Variants in POF1B observed in about 807,000 individuals in gnomAD.
POF1B encodes protein POF1B.
Under a neutral mutation model 55.3 loss-of-function variants are expected in POF1B, and 53 were observed. That is an observed-to-expected ratio of 0.96 (90% CI 0.77 to 1.20). The LOEUF (loss-of-function observed/expected upper bound fraction) is 1.20, where lower values mean the gene tolerates loss of function less well. Among genes scored for constraint, POF1B ranks in the 50% most tolerant of loss-of-function variants. POF1B has a pLI of 0.00. For missense variants in POF1B, 478 were observed against 420.5 expected (o/e 1.14, Z -1.20); for synonymous variants, 188 against 148.3 (o/e 1.27, Z -1.95).
chrX:85,295,138 A>G (rs753255928), intron 15 of POF1B, among the ~76,000 whole-genome samples: 45 of 111,632 alleles, frequency 4.0e-4, no homozygotes, highest in Non-Finnish European at 7.9e-4. Context: ...CTAGTGTTCA[A>G]TTGGTCTTTT....
intron 7 of POF1B, among the ~76,000 whole-genome samples, chrX:85,318,878 A>C (rs1353116578): frequency 8.9e-6 from 1 of 111,817 alleles, no homozygotes; most frequent in Non-Finnish European, 1.9e-5. Context: ...TATGAATTTC[A>C]AAATAGTTTT....
chrX:85,316,233 T>C (rs967313389), intron 7 of POF1B, among the ~76,000 whole-genome samples: 1 of 111,823 alleles, frequency 8.9e-6, no homozygotes, highest in African/African-American at 3.2e-5. Flanking sequence ...ATTTAATCTA[T>C]AGTAGAGTAT....
intron 6 of POF1B, among the ~76,000 whole-genome samples, chrX:85,342,402 C>A (rs914288943): frequency 9.0e-6 from 1 of 111,338 alleles, no homozygotes; most frequent in African/African-American, 3.3e-5. Flanking sequence ...GAAACATTTG[C>A]GACCCAGAGT....
chrX:85,372,562 A>T (rs1569300537), intron 2 of POF1B, among the ~76,000 whole-genome samples: 1 of 105,841 alleles, frequency 9.4e-6, no homozygotes, highest in East Asian at 3.0e-4. Flanking sequence ...CATCACACAC[A>T]GGGGCCTGTC....
intron 2 of POF1B, among the ~76,000 whole-genome samples, chrX:85,370,406 G>A (rs945576584): frequency 2.7e-5 from 3 of 111,361 alleles, no homozygotes; most frequent in Admixed American, 1.9e-4. Flanking sequence ...GCTTTCCCAC[G>A]CAACCCTCAT....
intron 6 of POF1B, among the ~76,000 whole-genome samples, chrX:85,343,310 G>A (rs1461062726): frequency 9.0e-6 from 1 of 110,969 alleles, no homozygotes; most frequent in African/African-American, 3.3e-5. Context: ...TAATAAAAAA[G>A]TGATACATTA....
intron 11 of POF1B, 138 bp downstream of exon 11, chrX:85,307,025 C>T (rs1266009408): frequency 4.4e-6 from 2 of 449,922 alleles, no homozygotes; most frequent in African/African-American, 2.5e-5. Flanking sequence ...TACCCAAAGC[C>T]ACTCAATTCT....
chrX:85,365,470 G>A (rs1933703392), intron 3 of POF1B, among the ~76,000 whole-genome samples: 1 of 111,466 alleles, frequency 9.0e-6, no homozygotes, highest in Non-Finnish European at 1.9e-5. Flanking sequence ...TTTTGTGCAG[G>A]GTCTAAATAG....
intron 4 of POF1B, among the ~76,000 whole-genome samples, chrX:85,351,867 C>G (rs1933397667): frequency 9.1e-6 from 1 of 110,131 alleles, no homozygotes; most frequent in Non-Finnish European, 1.9e-5. Context: ...AAAAATATTT[C>G]AGCACGACTA....
chrX:85,361,541 C>A (rs919827745), intron 3 of POF1B, among the ~76,000 whole-genome samples: 7 of 110,680 alleles, frequency 6.3e-5, no homozygotes, highest in Non-Finnish European at 1.1e-4. Flanking sequence ...CTTTTTTCTG[C>A]GCTCTCTATT....
At chrX:85,340,605 C>A (rs1458544822) in intron 6 of POF1B, among the ~76,000 whole-genome samples, 2 of 110,990 alleles carry the variant, frequency 1.8e-5, no homozygotes, top group Non-Finnish European at 3.8e-5. Context: ...ACCATGAAGA[C>A]AGTGTGGGAA....
At chrX:85,308,876 C>G (rs908138350) in intron 9 of POF1B, among the ~76,000 whole-genome samples, 2 of 110,422 alleles carry the variant, frequency 1.8e-5, no homozygotes, top group African/African-American at 6.6e-5. Context: ...ACGGATTTCA[C>G]TGTGTTGGCC....
At chrX:85,366,978 G>T (rs1263822052) in intron 3 of POF1B, among the ~76,000 whole-genome samples, 1 of 110,986 alleles carries the variant, frequency 9.0e-6, no homozygotes, top group East Asian at 2.8e-4. Context: ...TCTCCTCACT[G>T]TCCAAGTTCA....
At chrX:85,306,903 T>C (rs971615219) in intron 11 of POF1B, among the ~76,000 whole-genome samples, 2 of 111,916 alleles carry the variant, frequency 1.8e-5, no homozygotes, top group Admixed American at 9.5e-5. Flanking sequence ...ATTTTTAGTA[T>C]TTCTACAATT....
At chrX:85,298,894 A>C (rs1184143240) in intron 15 of POF1B, among the ~76,000 whole-genome samples, 1 of 108,091 alleles carries the variant, frequency 9.3e-6, no homozygotes, top group South Asian at 4.2e-4. Flanking sequence ...CATAGTGAGA[A>C]TACAAAGAAC....
intron 3 of POF1B, among the ~76,000 whole-genome samples, chrX:85,364,335 T>G: frequency 8.9e-6 from 1 of 111,839 alleles, no homozygotes; most frequent in Non-Finnish European, 1.9e-5. Context: ...GTGGCTGCTT[T>G]ATAATGTAAC....
chrX:85,332,479 T>C (rs941453148), intron 6 of POF1B, among the ~76,000 whole-genome samples: 1 of 111,166 alleles, frequency 9.0e-6, no homozygotes, highest in African/African-American at 3.3e-5. Flanking sequence ...TGGAGGATAA[T>C]AACTTAGGTT....
rs147111863 is a variant in POF1B, at chrX:85,371,264, C to T, written c.283-3498G>A. Among the ~76,000 whole-genome samples the T allele has an allele frequency of 2.8e-4, 31 of 111,652 alleles. No individual in the cohort carries two copies. The East Asian group carries it at 8.7e-3, about 31-fold the overall frequency. ...TCTGACGTTCTGTGAATATAAGAGA[C>T]CATTCCCAACTTATTTTTCCATACA... On this transcript the variant is annotated intron_variant, in intron 2 of 16. Coordinates refer to ENST00000262753, the MANE Select transcript of POF1B (RefSeq NM_024921.4).
intron 10 of POF1B, among the ~76,000 whole-genome samples, 160 bp downstream of exon 10, chrX:85,307,964 C>T (rs1932613770): frequency 1.8e-5 from 2 of 111,849 alleles, no homozygotes; most frequent in Non-Finnish European, 3.8e-5. Flanking sequence ...TCTCCTCTCT[C>T]AATGCCAATT....
Sources: allele counts gnomAD v4.1 joint callset (sites outside exome capture counted in the v4.1 genomes callset), GRCh38; gene constraint gnomAD v4.1.1; transcripts MANE v1.5; gene names NCBI Gene and HGNC (gene_info 2026-07-23, HGNC 2026-07-21).